KHDRBS2: variants seen among roughly 807,000 people sequenced by gnomAD.
KHDRBS2 encodes KH RNA binding domain containing, signal transduction associated 2, also known as KH domain-containing, RNA-binding, signal transduction-associated protein 2.
A neutral mutation model predicts 44.3 loss-of-function variants in KHDRBS2; 26 were observed. The ratio of observed to expected loss-of-function variants is 0.59; its 90% CI spans 0.43 to 0.81. The LOEUF (loss-of-function observed/expected upper bound fraction) is 0.81. KHDRBS2 is among the 40% of genes least tolerant of loss of function. KHDRBS2 has a pLI of 0.00. For synonymous variants in KHDRBS2, 194 were observed against 151.1 expected (o/e 1.28, Z -2.08); for missense variants, 476 against 433.1 (o/e 1.10, Z -0.88).
intron 6 of KHDRBS2, chr6:61,816,558 A>C: frequency 2.4e-6 from 1 of 424,942 alleles, no homozygotes; most frequent in South Asian, 1.7e-5. Context: ...GACATATTGG[A>C]CTTCTAGCCT....
chr6:61,733,835 G>A lies in KHDRBS2; in HGVS notation c.811-1071C>T, dbSNP rs188069294. 8.0e-4 allele frequency among the ~76,000 whole-genome samples: 122 copies of A among 151,688 alleles called. 1 individual carries two copies. The highest frequency in any genetic ancestry group is 4.8e-3 in the East Asian group (25 of 5,160). On this transcript the variant is annotated intron_variant, in intron 6 of 8. Transcript: ENST00000281156. ...CATTAATTTTAAACACTAGCCATCCGTCTCGATTATTCCCTACTTCTGGAA... is the reference window on the plus strand; with the variant it reads ...CATTAATTTTAAACACTAGCCATCCATCTCGATTATTCCCTACTTCTGGAA...
intron 1 of KHDRBS2, among the ~76,000 whole-genome samples, chr6:62,197,088 G>A (rs1236974147): frequency 1.3e-5 from 2 of 152,104 alleles, no homozygotes; most frequent in Admixed American, 1.3e-4. Flanking sequence ...ACAGTAAGTA[G>A]AGCAACAATT....
At position 61,993,671 on chromosome 6, in the gene KHDRBS2, A is replaced by ATT. The variant is rs1227455987; in HGVS notation, c.337-15460_337-15459insAA. On this transcript the variant is annotated intron_variant, in intron 3 of 8. Transcript: ENST00000281156. ...AAATCATATATATATATATATATAT[A>ATT]TATTTTTTTTTTTTGATGTGAGCTT... Among the ~76,000 whole-genome samples, 67 of 121,868 alleles carry ATT rather than the reference A, an allele frequency of 5.5e-4. 1 individual carries two copies. The highest frequency in any genetic ancestry group is 2.0e-3 in the African/African-American group (65 of 33,178). The allele number at this position is 121,868 out of a possible 152,430, so 80.0% of individuals were successfully genotyped here. A position where few individuals can be genotyped will look rare whatever the true frequency, so the allele number is the denominator to read the frequency against.
chr6:62,200,368 T>C (rs1826683262), intron 1 of KHDRBS2, among the ~76,000 whole-genome samples: 2 of 151,914 alleles, frequency 1.3e-5, no homozygotes, highest in Non-Finnish European at 2.9e-5. Flanking sequence ...GAATCTACAA[T>C]GAACTCAAAC....
At chr6:62,266,802 T>C (rs2150185308) in intron 1 of KHDRBS2, among the ~76,000 whole-genome samples, 2 of 152,138 alleles carry the variant, frequency 1.3e-5, no homozygotes, top group Middle Eastern at 6.8e-3. Flanking sequence ...TTTCTCCTTA[T>C]TTTTATCTCC....
At chr6:61,570,033 A>G in the KHDRBS2 span, among the ~76,000 whole-genome samples, 1 of 152,180 alleles carries the variant, frequency 6.6e-6, no homozygotes, top group Non-Finnish European at 1.5e-5. Context: ...AGCACACCCA[A>G]CAGATCACAC....
chr6:61,617,670 G>T, the KHDRBS2 span, among the ~76,000 whole-genome samples: 1 of 152,030 alleles, frequency 6.6e-6, no homozygotes, highest in African/African-American at 2.4e-5. Context: ...TCTAATGTCA[G>T]CAATAGCATG....
At chr6:61,986,852 A>G (rs998088512) in intron 3 of KHDRBS2, among the ~76,000 whole-genome samples, 5 of 152,060 alleles carry the variant, frequency 3.3e-5, no homozygotes, top group Non-Finnish European at 7.4e-5. Flanking sequence ...TTATGATCTC[A>G]TCTAAACTTA....
downstream of KHDRBS2, among the ~76,000 whole-genome samples, chr6:61,675,499 G>A (rs1397602835): frequency 1.3e-5 from 2 of 150,692 alleles, no homozygotes; most frequent in African/African-American, 4.9e-5. Context: ...GTGCTTCAAC[G>A]GTTATTAAGC....
intron 2 of KHDRBS2, among the ~76,000 whole-genome samples, chr6:62,114,396 T>C (rs1387185473): frequency 1.3e-5 from 2 of 152,184 alleles, no homozygotes; most frequent in Non-Finnish European, 2.9e-5. Flanking sequence ...GAACTGCTTC[T>C]GAAATGTAAG....
In KHDRBS2 at chr6:62,146,823, C is replaced by T. The variant is rs538745190; in HGVS notation, c.219+30362G>A. ...GGTACGCTATACATCTATGGCAAGG[C>T]TAACTTTTGATATGTCACCAGACAC... On this transcript the variant is annotated intron_variant, in intron 2 of 8. Transcript: ENST00000281156. Among the ~76,000 whole-genome samples, 86 of 151,890 alleles carry T rather than the reference C, an allele frequency of 5.7e-4. 2 individuals are homozygous for T. In the South Asian group the frequency reaches 0.017, roughly 31 times the overall value.
the KHDRBS2 span, among the ~76,000 whole-genome samples, chr6:61,592,104 T>C: frequency 1.4e-5 from 2 of 145,926 alleles, no homozygotes; most frequent in African/African-American, 2.6e-5. Context: ...GGTGGGAAGA[T>C]GGCTTGAGAC....
At chr6:61,592,681 G>GA in the KHDRBS2 span, among the ~76,000 whole-genome samples, 8 of 150,860 alleles carry the variant, frequency 5.3e-5, no homozygotes, top group African/African-American at 1.5e-4. Flanking sequence ...AAATATTTTT[G>GA]TTTTTTTTTA....
At chr6:62,196,634 C>T (rs1825763740) in intron 1 of KHDRBS2, among the ~76,000 whole-genome samples, 1 of 152,100 alleles carries the variant, frequency 6.6e-6, no homozygotes, top group Admixed American at 6.6e-5. Flanking sequence ...TCACACATCC[C>T]CTGCATATAT....
At chr6:62,096,101 C>A (rs1800543614) in intron 2 of KHDRBS2, among the ~76,000 whole-genome samples, 1 of 151,826 alleles carries the variant, frequency 6.6e-6, no homozygotes, top group Non-Finnish European at 1.5e-5. Context: ...TTTTGACGTG[C>A]TTTTGGATTT....
chr6:61,711,162 G>C (rs1245342975), intron 7 of KHDRBS2, among the ~76,000 whole-genome samples: 1 of 151,546 alleles, frequency 6.6e-6, no homozygotes, highest in Admixed American at 6.6e-5. Context: ...TGAATAATTT[G>C]TAAGCTGACT....
intron 6 of KHDRBS2, among the ~76,000 whole-genome samples, chr6:61,782,679 T>A (rs568803947): frequency 7.1e-6 from 1 of 140,994 alleles, no homozygotes; most frequent in South Asian, 2.3e-4. Flanking sequence ...TACCTGTGTA[T>A]AAAGGTTGTG....
chr6:61,777,049 A>G (rs1782164261), intron 6 of KHDRBS2, among the ~76,000 whole-genome samples: 1 of 151,996 alleles, frequency 6.6e-6, no homozygotes, highest in Non-Finnish European at 1.5e-5. Flanking sequence ...CAAAAAACCA[A>G]ACACCACATG....
the KHDRBS2 span, among the ~76,000 whole-genome samples, chr6:61,610,948 A>AT: frequency 6.6e-6 from 1 of 152,332 alleles, no homozygotes; most frequent in South Asian, 2.1e-4. Context: ...GGTTGTTGGG[A>AT]TTTAATACTG....
Sources: gnomAD v4.1 joint callset for allele counts (sites outside exome capture counted in the v4.1 genomes callset) on GRCh38, gnomAD v4.1.1 for gene constraint, MANE v1.5 for transcripts, NCBI Gene and HGNC (gene_info 2026-07-23, HGNC 2026-07-21) for gene names.